The following GALNTL6 variants were observed in gnomAD, a reference collection of about 807,000 sequenced individuals.
The protein encoded by GALNTL6 is polypeptide N-acetylgalactosaminyltransferase like 6, also known as polypeptide N-acetylgalactosaminyltransferase-like 6.
Under a neutral mutation model 73.7 loss-of-function variants are expected in GALNTL6, and 46 were observed. The ratio of observed to expected loss-of-function variants is 0.62; its 90% CI spans 0.49 to 0.80. The LOEUF (loss-of-function observed/expected upper bound fraction) is 0.80. Ranked by LOEUF, GALNTL6 falls within the 30% of genes least tolerant of loss-of-function variation. The pLI, the probability that GALNTL6 is intolerant of heterozygous loss-of-function variation, is 0.00. For synonymous variants in GALNTL6, 259 were observed against 263.7 expected (o/e 0.98, Z 0.17); for missense variants, 604 against 755.0 (o/e 0.80, Z 2.34).
chr4:172,438,061 A>G (rs1731699535), intron 5 of GALNTL6, among the ~76,000 whole-genome samples: 1 of 151,994 alleles, frequency 6.6e-6, no homozygotes, highest in South Asian at 2.1e-4. Context: ...TATTTCTACT[A>G]ATTGTGGTGT....
Position 172,511,213 on chromosome 4 carries a change from T to A in GALNTL6, c.553+162524T>A, listed in dbSNP as rs1174254545. 3.6e-5 allele frequency among the ~76,000 whole-genome samples: 2 copies of A among 54,904 alleles called. 1 individual carries two copies. The highest frequency in any genetic ancestry group is 9.0e-5 in the African/African-American group (2 of 22,148). The allele number at this position is 54,904 out of a possible 152,430, so 36.0% of individuals were successfully genotyped here. A position where few individuals can be genotyped will look rare whatever the true frequency, so the allele number is the denominator to read the frequency against. ...AGAAATTTATCCATCTCCTCTAGGT[T>A]TTCTAGTTTGTGCACATAAATATAT... On this transcript the variant is annotated intron_variant, in intron 5 of 12. Transcript: ENST00000506823.
At chr4:172,062,042 C>CA (rs1285965678) in intron 2 of GALNTL6, among the ~76,000 whole-genome samples, 2 of 151,356 alleles carry the variant, frequency 1.3e-5, no homozygotes, top group Non-Finnish European at 2.9e-5. Flanking sequence ...TCTGCCCCCC[C>CA]AGGTTCAAAC....
intron 5 of GALNTL6, among the ~76,000 whole-genome samples, chr4:172,413,694 A>G (rs1384529131): frequency 6.6e-6 from 1 of 151,046 alleles, no homozygotes; most frequent in East Asian, 1.9e-4. Flanking sequence ...AACTGGAATA[A>G]CATTCTCATC....
At chr4:173,026,577 A>T (rs1753242432) in intron 12 of GALNTL6, among the ~76,000 whole-genome samples, 1 of 152,240 alleles carries the variant, frequency 6.6e-6, no homozygotes, top group South Asian at 2.1e-4. Context: ...CATCCTCACC[A>T]ACACTTGGTA....
chr4:172,812,608 G>GAAA (rs375642954), intron 6 of GALNTL6, among the ~76,000 whole-genome samples: 1 of 136,122 alleles, frequency 7.3e-6, no homozygotes, highest in African/African-American at 2.7e-5. Flanking sequence ...TGTTGGAACT[G>GAAA]AAAAAAAAAA....
At chr4:172,730,090 A>G (rs895336582) in intron 5 of GALNTL6, among the ~76,000 whole-genome samples, 6 of 152,166 alleles carry the variant, frequency 3.9e-5, no homozygotes, top group Non-Finnish European at 8.8e-5. Flanking sequence ...TTGTATCCTG[A>G]AACTACTGAA....
At chr4:172,377,907 C>T (rs372612155) in intron 5 of GALNTL6, among the ~76,000 whole-genome samples, 2 of 151,976 alleles carry the variant, frequency 1.3e-5, no homozygotes, top group Non-Finnish European at 2.9e-5. Context: ...CAGATCCCCC[C>T]CCCCATGCCT....
intron 2 of GALNTL6, among the ~76,000 whole-genome samples, chr4:172,020,574 A>G (rs1212300496): frequency 6.6e-6 from 1 of 151,962 alleles, no homozygotes; most frequent in Non-Finnish European, 1.5e-5. Context: ...AAATTGAAAA[A>G]TTCCCAAATA....
intron 5 of GALNTL6, among the ~76,000 whole-genome samples, chr4:172,707,230 G>A (rs758875316): frequency 1.4e-4 from 22 of 152,026 alleles, no homozygotes; most frequent in African/African-American, 3.9e-4. Flanking sequence ...TATTGTTTAC[G>A]GTTTATTTAG....
At chr4:172,758,743 C>T (rs1189018882) in intron 5 of GALNTL6, among the ~76,000 whole-genome samples, 1 of 152,126 alleles carries the variant, frequency 6.6e-6, no homozygotes, top group African/African-American at 2.4e-5. Flanking sequence ...TTGTCCTACC[C>T]AGGACATGAA....
intron 2 of GALNTL6, among the ~76,000 whole-genome samples, chr4:171,855,336 A>G (rs953894070): frequency 6.6e-6 from 1 of 152,116 alleles, no homozygotes; most frequent in African/African-American, 2.4e-5. Context: ...CTATAGTTTT[A>G]CCTTTTCCAA....
intron 5 of GALNTL6, among the ~76,000 whole-genome samples, chr4:172,714,873 T>C (rs1450785012): frequency 6.6e-6 from 1 of 152,138 alleles, no homozygotes; most frequent in Non-Finnish European, 1.5e-5. Flanking sequence ...ATGATAAAAT[T>C]GTGATCCAAA....
chr4:172,015,923 A>ATTTTTTTTTTTTTTTT (rs70941375), intron 2 of GALNTL6, among the ~76,000 whole-genome samples: 1 of 44,052 alleles, frequency 2.3e-5, no homozygotes, highest in Non-Finnish European at 4.2e-5. Context: ...ATCTAATAGG[A>ATTTTTTTTTTTTTTTT]TTTTTTTTTT....
intron 5 of GALNTL6, among the ~76,000 whole-genome samples, chr4:172,644,219 CAT>C (rs1224818860): frequency 6.6e-6 from 1 of 151,608 alleles, no homozygotes; most frequent in African/African-American, 2.4e-5. Flanking sequence ...TACATACACA[CAT>C]ATACAGTGTA....
At chr4:171,955,667 T>G (rs1739021660) in intron 2 of GALNTL6, among the ~76,000 whole-genome samples, 2 of 152,110 alleles carry the variant, frequency 1.3e-5, no homozygotes, top group South Asian at 4.1e-4. Flanking sequence ...TGGTACATGT[T>G]TAGTACAGAT....
At position 172,916,286 on chromosome 4, in the gene GALNTL6, T is replaced by C. The variant is rs191238972; in HGVS notation, c.1042-14875T>C. ...CTATTTATGACAAACCCACAGCCAA[T>C]ATCATACTGAATGGGCAAAAACTGG... On this transcript the variant is annotated intron_variant, in intron 8 of 12. Transcript: ENST00000506823. Among the ~76,000 whole-genome samples the C allele has an allele frequency of 8.5e-3, 1,297 of 152,220 alleles. 13 individuals carry two copies. The highest frequency in any genetic ancestry group is 0.027 in the African/African-American group (1,127 of 41,518).
intron 2 of GALNTL6, among the ~76,000 whole-genome samples, chr4:172,198,354 T>A (rs968802444): frequency 6.6e-6 from 1 of 150,782 alleles, no homozygotes; most frequent in African/African-American, 2.4e-5. Context: ...AATTTTGCAA[T>A]CTATTTATCT....
chr4:171,884,335 T>C (rs1736549200), intron 2 of GALNTL6, among the ~76,000 whole-genome samples: 1 of 152,194 alleles, frequency 6.6e-6, no homozygotes, highest in South Asian at 2.1e-4. Context: ...TTACCGACTA[T>C]GTTTCAGGCC....
In GALNTL6 at chr4:172,845,664, GC is replaced by G. The variant is rs542189473; in HGVS notation, c.923+31942del. 8.3e-3 allele frequency among the ~76,000 whole-genome samples: 1,259 copies of G among 152,244 alleles called. 16 individuals carry two copies. The highest frequency in any genetic ancestry group is 0.027 in the African/African-American group (1,136 of 41,542). ...TCTACATTGCCTCTTACTGTTTGTA[GC>G]TAGAATAAAACTTCATTAATAAAGA... On this transcript the variant is annotated intron_variant, in intron 7 of 12. Coordinates refer to ENST00000506823, the MANE Select transcript of GALNTL6 (RefSeq NM_001034845.3).
Sources: allele counts gnomAD v4.1 joint callset (sites outside exome capture counted in the v4.1 genomes callset), GRCh38; gene constraint gnomAD v4.1.1; transcripts MANE v1.5; gene names NCBI Gene and HGNC (gene_info 2026-07-23, HGNC 2026-07-21).